CLASP1: variants seen among roughly 807,000 people sequenced by gnomAD.
CLASP1 encodes cytoplasmic linker associated protein 1.
Under a neutral mutation model 192.3 loss-of-function variants are expected in CLASP1, and 38 were observed. That is an observed-to-expected ratio of 0.20 (90% CI 0.15 to 0.26). CLASP1 has a LOEUF of 0.26. Ranked by LOEUF, CLASP1 falls within the 10% of genes least tolerant of loss-of-function variation. CLASP1 has a pLI of 1.00. For missense variants in CLASP1, 1,433 were observed against 1,932.5 expected, an observed-to-expected ratio of 0.74 and a Z score of 4.85; for synonymous variants, 691 against 712.8, an observed-to-expected ratio of 0.97 and a Z score of 0.49.
intron 8 of CLASP1, among the ~76,000 whole-genome samples, chr2:121,474,488 G>A (rs1157585269): frequency 1.3e-5 from 2 of 152,192 alleles, no homozygotes; most frequent in Non-Finnish European, 2.9e-5. Flanking sequence ...TGTAATCCCA[G>A]CACTTTGGGC....
intron 23 of CLASP1, among the ~76,000 whole-genome samples, chr2:121,414,900 T>C (rs2078304691): frequency 6.6e-6 from 1 of 152,116 alleles, no homozygotes; most frequent in African/African-American, 2.4e-5. Flanking sequence ...TCCGCCTGCC[T>C]CAGCCTCCCA....
chr2:121,391,932 C>T (rs1351433063), intron 30 of CLASP1, among the ~76,000 whole-genome samples: 2 of 152,162 alleles, frequency 1.3e-5, no homozygotes, highest in Non-Finnish European at 2.9e-5. Flanking sequence ...GAAAGAGACT[C>T]GCAGTCACAG....
chr2:121,385,056 G>GATCT (rs1479553075), intron 32 of CLASP1, among the ~76,000 whole-genome samples: 2 of 152,096 alleles, frequency 1.3e-5, no homozygotes, highest in African/African-American at 4.8e-5. Flanking sequence ...ATATACAACA[G>GATCT]ATCTGTCTAT....
chr2:121,573,786 A>C (rs951177645), intron 2 of CLASP1, among the ~76,000 whole-genome samples: 2 of 152,218 alleles, frequency 1.3e-5, no homozygotes, highest in African/African-American at 4.8e-5. Flanking sequence ...TTTCCTTATA[A>C]CTGCATGTGA....
intron 8 of CLASP1, among the ~76,000 whole-genome samples, chr2:121,489,984 G>A (rs767117404): frequency 1.3e-5 from 2 of 152,108 alleles, no homozygotes; most frequent in Non-Finnish European, 2.9e-5. Context: ...GTGAACATAA[G>A]CAGAGAAAAA....
At chr2:121,637,165 A>G (rs2071035735) in intron 1 of CLASP1, among the ~76,000 whole-genome samples, 1 of 152,240 alleles carries the variant, frequency 6.6e-6, no homozygotes, top group East Asian at 1.9e-4. Flanking sequence ...AAAAGAAAGG[A>G]GGGGAATTCA....
intron 37 of CLASP1, among the ~76,000 whole-genome samples, chr2:121,362,944 G>T (rs1381637664): frequency 6.6e-6 from 1 of 152,240 alleles, no homozygotes; most frequent in Non-Finnish European, 1.5e-5. Flanking sequence ...AGGCCTGCTG[G>T]AAACAGTGAG....
intron 2 of CLASP1, among the ~76,000 whole-genome samples, chr2:121,571,077 C>T (rs2059930784): frequency 6.6e-6 from 1 of 151,622 alleles, no homozygotes. Flanking sequence ...TTTTTAATGA[C>T]AAGGCACATT....
At chr2:121,441,464 G>A (rs1313702310) in intron 19 of CLASP1, among the ~76,000 whole-genome samples, 2 of 152,178 alleles carry the variant, frequency 1.3e-5, no homozygotes, top group Non-Finnish European at 2.9e-5. Flanking sequence ...GGTGGCTTAC[G>A]CCTGTAATCC....
At chr2:121,352,245 G>T (rs955644671) in intron 37 of CLASP1, among the ~76,000 whole-genome samples, 1 of 152,224 alleles carries the variant, frequency 6.6e-6, no homozygotes, top group African/African-American at 2.4e-5. Flanking sequence ...ATGCACAGCC[G>T]GCCTGCCCTG....
chr2:121,444,943 C>T (rs752140762), intron 19 of CLASP1: 11 of 1,359,184 alleles, frequency 8.1e-6, no homozygotes, highest in African/African-American at 3.0e-5. Context: ...GCTTACCCTC[C>T]GCTTTAGTGG....
intron 8 of CLASP1, among the ~76,000 whole-genome samples, chr2:121,483,566 A>G (rs765529105): frequency 5.3e-5 from 8 of 151,462 alleles, no homozygotes; most frequent in Non-Finnish European, 8.8e-5. Context: ...ATATATATGT[A>G]TGTATATATA....
At chr2:121,420,797 T>C (rs963668276) in intron 22 of CLASP1, among the ~76,000 whole-genome samples, 6 of 152,152 alleles carry the variant, frequency 3.9e-5, no homozygotes, top group African/African-American at 1.4e-4. Context: ...CCTAGCCCCA[T>C]CCCCTTCCTT....
At chr2:121,366,406 C>T (rs2067417385) in intron 35 of CLASP1, among the ~76,000 whole-genome samples, 1 of 152,200 alleles carries the variant, frequency 6.6e-6, no homozygotes, top group Non-Finnish European at 1.5e-5. Flanking sequence ...GGCTTTTAAT[C>T]CCTACAGCCA....
chr2:121,398,580 A>C (rs1393199688), intron 28 of CLASP1, among the ~76,000 whole-genome samples, 180 bp from the exon 30 acceptor site: 1 of 152,224 alleles, frequency 6.6e-6, no homozygotes, highest in Non-Finnish European at 1.5e-5. Context: ...ATATGGAAAA[A>C]GGAAGATCTT....
chr2:121,367,480 C>A (rs2067652387), intron 35 of CLASP1, 108 bp downstream of exon 36: 1 of 1,429,380 alleles, frequency 7.0e-7, no homozygotes. Flanking sequence ...AAAGAACAGA[C>A]CCAGCGTCTC....
chr2:121,387,450 G>A (rs2073484467), intron 31 of CLASP1, among the ~76,000 whole-genome samples: 1 of 152,082 alleles, frequency 6.6e-6, no homozygotes, highest in African/African-American at 2.4e-5. Context: ...GATGTTGGGT[G>A]TGCTAGAGTG....
chr2:121,604,267 A>C (rs926831096), intron 2 of CLASP1, among the ~76,000 whole-genome samples: 2 of 152,256 alleles, frequency 1.3e-5, no homozygotes, highest in African/African-American at 4.8e-5. Flanking sequence ...CATCTCTTTT[A>C]ACACTCGCAC....
At chr2:121,454,214 T>C (rs890759703) in intron 14 of CLASP1, among the ~76,000 whole-genome samples, 2 of 146,194 alleles carry the variant, frequency 1.4e-5, no homozygotes, top group Admixed American at 7.1e-5. Flanking sequence ...TATTTAGAGA[T>C]GGGACCTTTG....
Sources: allele counts gnomAD v4.1 joint callset (sites outside exome capture counted in the v4.1 genomes callset), GRCh38; gene constraint gnomAD v4.1.1; transcripts MANE v1.5; gene names NCBI Gene and HGNC (gene_info 2026-07-23, HGNC 2026-07-21).